NUTM2F: variants seen among roughly 807,000 people sequenced by gnomAD.
The protein encoded by NUTM2F is NUT family member 2F.
Under a neutral mutation model 43.3 loss-of-function variants are expected in NUTM2F, and 22 were observed. The ratio of observed to expected loss-of-function variants is 0.51; its 90% CI spans 0.36 to 0.73. The LOEUF (loss-of-function observed/expected upper bound fraction) is 0.73. Ranked by LOEUF, NUTM2F falls within the 30% of genes least tolerant of loss-of-function variation. The pLI is 0.00. For missense variants in NUTM2F, 488 were observed against 927.4 expected (o/e 0.53, Z 6.15); for synonymous variants, 202 against 389.0 (o/e 0.52, Z 5.66).
chr9:94,326,010 C>T, intron 1 of NUTM2F, 76 bp from the exon 2 acceptor site: 4 of 1,554,092 alleles, frequency 2.6e-6, no homozygotes, highest in Non-Finnish European at 3.5e-6. Flanking sequence ...TCAGGGGAGT[C>T]CCAACAGCTG....
At position 94,321,165 on chromosome 9, in the gene NUTM2F, T is replaced by C. The variant is rs752840347; in HGVS notation, c.910A>G (p.Ser304Gly). ...CTCGGCGGGGCTGGAGGAGGCAGGC[T>C]CTGGGGCCCCTTCATCCACTGCGAT... ...QKSQWMKGPQ[S>G]LPPPAPPRLE... is the part of the protein sequence containing the mutation. Residue 304 changes from serine (S) to glycine (G), a missense_variant, in exon 4 of 7, where the codon AGC (serine) becomes GGC (glycine). Physicochemically the swap from Ser to Gly is moderately conservative, Grantham distance 56 (BLOSUM62 0). Coordinates refer to ENST00000253262, the MANE Select transcript of NUTM2F (RefSeq NM_017561.2). 4.1e-5 allele frequency: 64 copies of C among 1,552,614 alleles called. No homozygotes were observed.
chr9:94,320,079 A>G lies in NUTM2F; in HGVS notation c.1368+129T>C. Reference sequence around the variant, plus strand: ...GCAACACACAGACACACACAGTCACATACACAGACACTCAAATCCATGGAA... The same window carrying G: ...GCAACACACAGACACACACAGTCACGTACACAGACACTCAAATCCATGGAA... On this transcript the variant is annotated intron_variant, in intron 5 of 6. Transcript: ENST00000253262. This position sits in a 1 kb window ranked among gnomAD's most constrained non-coding sequence, Gnocchi z 4.5. The G allele has an allele frequency of 1.3e-6, 1 of 795,486 alleles. No individual in the cohort carries two copies. Among genetic ancestry groups the G allele is most frequent in the Non-Finnish European group, 2.0e-6 (1 of 496,906 alleles). 49.3% of individuals were successfully genotyped at this position (795,486 alleles called of 1,614,324 possible).
Position 94,318,959 on chromosome 9 carries a change from T to C in NUTM2F, c.1777A>G (p.Thr593Ala), listed in dbSNP as rs1831316351. The change falls in exon 7 of 7, where the codon ACC becomes GCC. Residue 593 changes from threonine (T) to alanine (A), a missense_variant. By Grantham distance (58) the Thr-to-Ala change is moderately conservative. Transcript: ENST00000253262. ...DSPRLKAVRP[T>A]SPPQDHRPTC... ...GGTCTGTGGTCCTGGGGAGGAGAGG[T>C]TGGCCGGACAGCCTTCAGCCTGGGG... 1.9e-6 allele frequency: 3 copies of C among 1,611,102 alleles called. No homozygotes were observed. The highest frequency in any genetic ancestry group is 1.1e-5 in the South Asian group (1 of 90,834).
chr9:94,320,509 G>T lies in NUTM2F; in HGVS notation c.1067C>A (p.Ala356Asp), dbSNP rs758680240. ...PRPQRPAETK[A>D]HLPPPRPQRP... is the part of the protein sequence containing the mutation. ...CTGGGGCCTGGGTGGTGGCAGGTGGGCCTTGGTCTCCGCTGGCCTCTGGGG... is the reference window on the plus strand; with the variant it reads ...CTGGGGCCTGGGTGGTGGCAGGTGGTCCTTGGTCTCCGCTGGCCTCTGGGG... The change falls in exon 5 of 7, where the codon GCC (alanine) becomes GAC (aspartate). Residue 356 changes from alanine to aspartate, a missense_variant. Physicochemically the swap from Ala to Asp is moderately radical, Grantham distance 126. Transcript: ENST00000253262. This position sits in a 1 kb window ranked among gnomAD's most constrained non-coding sequence, Gnocchi z 4.5. The T allele has an allele frequency of 4.4e-5, 71 of 1,611,354 alleles. 1 individual carries two copies. In the East Asian group the frequency reaches 1.2e-3, roughly 26 times the overall value.
rs1587701691 is a variant in NUTM2F, at chr9:94,320,636, C to T, written c.983-43G>A. Reference sequence around the variant, plus strand: ...GAGGATGGGTGTGGTGAGGGCCGCTCCTCCTGCCTGCACCACACAGGGGAG... The same window carrying T: ...GAGGATGGGTGTGGTGAGGGCCGCTTCTCCTGCCTGCACCACACAGGGGAG... On this transcript the variant is annotated intron_variant, in intron 4 of 6. Transcript: ENST00000253262. The surrounding 1 kb of genome is among the most constrained non-coding windows in gnomAD (Gnocchi z 4.5). The T allele has an allele frequency of 3.9e-6, 6 of 1,534,412 alleles. No homozygotes were observed. Among genetic ancestry groups the T allele is most frequent in the Non-Finnish European group, 5.3e-6 (6 of 1,142,052 alleles).
chr9:94,320,035 TCACAGA>T lies in NUTM2F; in HGVS notation c.1368+167_1368+172del, dbSNP rs1341349514. Among the ~76,000 whole-genome samples, 1 of 151,170 alleles carries T rather than the reference TCACAGA, an allele frequency of 6.6e-6. No individual in the cohort carries two copies. Among genetic ancestry groups the T allele is most frequent in the East Asian group, 1.9e-4 (1 of 5,146 alleles). Reference sequence around the variant, plus strand: ...AGACACACAAAGACACAGTAACAAATCACAGACACAAACACACAGCAACACACAGAC... The same window carrying T: ...AGACACACAAAGACACAGTAACAAATCACAAACACACAGCAACACACAGAC... On this transcript the variant is annotated intron_variant, in intron 5 of 6. Coordinates refer to ENST00000253262, the MANE Select transcript of NUTM2F (RefSeq NM_017561.2). This position sits in a 1 kb window ranked among gnomAD's most constrained non-coding sequence, Gnocchi z 4.5.
At chr9:94,327,216 G>T (rs77388534) in intron 1 of NUTM2F, among the ~76,000 whole-genome samples, 43,593 of 149,622 alleles carry the variant, frequency 0.29, 7,684 homozygotes, top group East Asian at 0.57. Context: ...CACTTCTCCT[G>T]CCTCAGCCTC....
At chr9:94,319,536 G>A in intron 6 of NUTM2F, 77 bp downstream of exon 6, 6 of 1,592,584 alleles carry the variant, frequency 3.8e-6, no homozygotes, top group Non-Finnish European at 4.3e-6. Context: ...GGTGGGCTTA[G>A]ACAATCGGGT....
At chr9:94,323,084 G>A (rs1006634465) in intron 2 of NUTM2F, among the ~76,000 whole-genome samples, 3 of 152,152 alleles carry the variant, frequency 2.0e-5, no homozygotes, top group Non-Finnish European at 4.4e-5. Flanking sequence ...AGGAGCACAC[G>A]TCCAGAACCA....
intron 2 of NUTM2F, among the ~76,000 whole-genome samples, chr9:94,323,918 A>G (rs1831415376): frequency 6.6e-6 from 1 of 151,998 alleles, no homozygotes; most frequent in African/African-American, 2.4e-5. Context: ...GCCCCATGTG[A>G]TGTGCCCCTG....
chr9:94,325,223 C>A lies in NUTM2F; in HGVS notation c.713+15G>T, dbSNP rs1831434842. ...TGAGCTGCAGGACAAGCTCCGGCGC[C>A]CCGAGGACACTCACATGAGGAAGCA... On this transcript the variant is annotated intron_variant, in intron 2 of 6. Coordinates refer to ENST00000253262, the MANE Select transcript of NUTM2F (RefSeq NM_017561.2). 1.5e-6 allele frequency: 1 copy of A among 675,030 alleles called. No homozygotes were observed. The highest frequency in any genetic ancestry group is 2.4e-5 in the African/African-American group (1 of 41,618). The allele number at this position is 675,030 out of a possible 1,614,324, so 41.8% of individuals were successfully genotyped here.
chr9:94,325,257 C>A lies in NUTM2F; in HGVS notation c.694G>T (p.Ala232Ser), dbSNP rs1831435220. ...RHLPQSPDTE[A>S]LSCFLIPVLR... ...ACTCACATGAGGAAGCAGGAAAGCG[C>A]TTCAGTGTCAGGACTCTGGGGAAGG... Residue 232 changes from alanine to serine, a missense_variant, in exon 2 of 7, where the codon GCG becomes TCG. Physicochemically the swap from Ala to Ser is moderately conservative, Grantham distance 99 (BLOSUM62 1). Transcript: ENST00000253262. The A allele has an allele frequency of 2.2e-6, 2 of 889,730 alleles. No individual in the cohort carries two copies. Among genetic ancestry groups the A allele is most frequent in the South Asian group, 3.5e-5 (2 of 56,396 alleles). 55.1% of individuals were successfully genotyped at this position (889,730 alleles called of 1,614,324 possible). A position where few individuals can be genotyped will look rare whatever the true frequency, so the allele number is the denominator to read the frequency against.
intron 2 of NUTM2F, among the ~76,000 whole-genome samples, chr9:94,323,625 C>T (rs530562874): frequency 5.4e-4 from 82 of 152,278 alleles, no homozygotes; most frequent in African/African-American, 1.7e-3. Flanking sequence ...GTAATCATAA[C>T]TGCTGTCATG....
Position 94,327,203 on chromosome 9 carries a change from A to C in NUTM2F, c.17-1269T>G, listed in dbSNP as rs565490750. Among the ~76,000 whole-genome samples the C allele has an allele frequency of 1.5e-4, 22 of 149,552 alleles. No individual in the cohort carries two copies. The South Asian group carries it at 4.7e-3, about 32-fold the overall frequency. On this transcript the variant is annotated intron_variant, in intron 1 of 6. Coordinates refer to ENST00000253262, the MANE Select transcript of NUTM2F (RefSeq NM_017561.2). ...ACTGCAACCTCTGCCTCCCAGGTTCAAGCACTTCTCCTGCCTCAGCCTCCT... is the reference window on the plus strand; with the variant it reads ...ACTGCAACCTCTGCCTCCCAGGTTCCAGCACTTCTCCTGCCTCAGCCTCCT...
rs368389503 is a variant in NUTM2F at position 94,318,933 on chromosome 9, G to A, written c.1803C>T (p.Pro601=). 2.2e-5 allele frequency: 36 copies of A among 1,611,190 alleles called. No individual in the cohort carries two copies. In the African/African-American group the frequency reaches 3.0e-4, roughly 13 times the overall value. ...CCTTGGTCCCCAGGCCGGGGCAGGT[G>A]GGTCTGTGGTCCTGGGGAGGAGAGG... The part of the protein sequence containing the change: ...RPTSPPQDHR[P]TCPGLGTKDA... The change falls in exon 7 of 7, where the codon CCC becomes CCT. Residue 601 remains proline, a synonymous_variant. Coordinates refer to ENST00000253262, the MANE Select transcript of NUTM2F (RefSeq NM_017561.2).
intron 5 of NUTM2F, 147 bp from the exon 6 acceptor site, chr9:94,319,876 C>A: frequency 2.0e-6 from 2 of 1,001,878 alleles, no homozygotes; most frequent in Non-Finnish European, 3.1e-6. Flanking sequence ...CAGCTACACG[C>A]ACAGACCACA....
intron 2 of NUTM2F, among the ~76,000 whole-genome samples, chr9:94,323,191 C>T (rs1464640172): frequency 6.6e-6 from 1 of 151,980 alleles, no homozygotes; most frequent in African/African-American, 2.4e-5. Flanking sequence ...GGGGCGGCTA[C>T]ACTCCAAGAA....
At chr9:94,324,914 G>A (rs1239345674) in intron 2 of NUTM2F, among the ~76,000 whole-genome samples, 3 of 146,360 alleles carry the variant, frequency 2.0e-5, no homozygotes, top group Non-Finnish European at 3.0e-5. Context: ...TTGAACCCGG[G>A]AGGCGGAGGT....
intron 2 of NUTM2F, among the ~76,000 whole-genome samples, chr9:94,324,276 A>G (rs1181301639): frequency 1.3e-5 from 2 of 151,116 alleles, no homozygotes; most frequent in African/African-American, 2.4e-5. Context: ...TCTCAAACAA[A>G]CAAACAAAAA....
Sources: gnomAD v4.1 joint callset for allele counts (sites outside exome capture counted in the v4.1 genomes callset) on GRCh38, gnomAD v4.1.1 for gene constraint, Gnocchi (gnomAD v3.1) non-coding constraint, MANE v1.5 for transcripts, NCBI Gene and HGNC (gene_info 2026-07-23, HGNC 2026-07-21) for gene names.